FSTL4: variants seen among roughly 807,000 people sequenced by gnomAD.
The protein encoded by FSTL4 is follistatin like 4.
FSTL4 carries 28 observed loss-of-function variants against 78.2 expected under a neutral mutation model. That is an observed-to-expected ratio of 0.36 (90% CI 0.27 to 0.49). The LOEUF is 0.49. Among genes scored for constraint, FSTL4 ranks in the 20% least tolerant of loss-of-function variants. FSTL4 has a pLI of 0.98. For missense variants in FSTL4, 922 were observed against 1,084.9 expected (o/e 0.85, Z 2.11); for synonymous variants, 422 against 440.5 (o/e 0.96, Z 0.53).
At chr5:133,763,862 G>A in the FSTL4 span, among the ~76,000 whole-genome samples, 8 of 152,206 alleles carry the variant, frequency 5.3e-5, no homozygotes, top group African/African-American at 1.9e-4. Context: ...GCCTTGTTCA[G>A]GCAGCCCCTG....
chr5:133,708,063 T>C, the FSTL4 span, among the ~76,000 whole-genome samples: 1 of 132,728 alleles, frequency 7.5e-6, no homozygotes, highest in South Asian at 2.4e-4. Context: ...TAACTAGCTG[T>C]GGGGTAGAAA....
At chr5:133,483,501 C>G (rs1398291436) in intron 3 of FSTL4, among the ~76,000 whole-genome samples, 1 of 152,142 alleles carries the variant, frequency 6.6e-6, no homozygotes, top group Non-Finnish European at 1.5e-5. Flanking sequence ...AAAGCCTGAC[C>G]ATTTAAGCGC....
rs188368180 is a variant in FSTL4 at position 133,299,884 on chromosome 5, G to T, written c.727+12770C>A. Among the ~76,000 whole-genome samples, 204 of 152,308 alleles carry T rather than the reference G, an allele frequency of 1.3e-3. 2 individuals are homozygous for T. The highest frequency in any genetic ancestry group is 4.8e-3 in the African/African-American group (200 of 41,570). ...ACAATTAGTCGGTACACTGTCTACA[G>T]GGCAGACATCTGCATTTAGCCTGAG... On this transcript the variant is annotated intron_variant, in intron 6 of 15. Transcript: ENST00000265342.
At chr5:133,687,824 T>A in the FSTL4 span, among the ~76,000 whole-genome samples, 1 of 152,220 alleles carries the variant, frequency 6.6e-6, no homozygotes, top group Non-Finnish European at 1.5e-5. Context: ...GCACCATCAG[T>A]GCAGGCTGGC....
intron 3 of FSTL4, among the ~76,000 whole-genome samples, chr5:133,491,244 C>T (rs917782996): frequency 6.6e-6 from 1 of 152,104 alleles, no homozygotes; most frequent in Non-Finnish European, 1.5e-5. Flanking sequence ...CTAGGCTTTG[C>T]ATTATGTCTG....
chr5:133,322,557 C>T (rs180920711), intron 4 of FSTL4, among the ~76,000 whole-genome samples: 79 of 152,284 alleles, frequency 5.2e-4, no homozygotes, highest in East Asian at 3.5e-3. Context: ...AGTGGGTTGC[C>T]GCCGTGGGCA....
intron 6 of FSTL4, among the ~76,000 whole-genome samples, chr5:133,259,882 G>T (rs906526431): frequency 1.3e-5 from 2 of 152,138 alleles, no homozygotes; most frequent in African/African-American, 4.8e-5. Flanking sequence ...GTGATTTCCT[G>T]TGGTGAAGCA....
chr5:133,432,358 A>G (rs1474347045), intron 3 of FSTL4, among the ~76,000 whole-genome samples: 1 of 152,216 alleles, frequency 6.6e-6, no homozygotes, highest in Non-Finnish European at 1.5e-5. Context: ...CTCTCCCACA[A>G]TATCTACCCA....
At chr5:133,624,570 T>G in the FSTL4 span, among the ~76,000 whole-genome samples, 2 of 151,826 alleles carry the variant, frequency 1.3e-5, no homozygotes, top group Non-Finnish European at 2.9e-5. Flanking sequence ...CATTTTAAAA[T>G]GGTTAATTGT....
intron 4 of FSTL4, among the ~76,000 whole-genome samples, chr5:133,396,117 C>T (rs1209192227): frequency 2.0e-5 from 3 of 152,194 alleles, no homozygotes; most frequent in African/African-American, 4.8e-5. Flanking sequence ...CCCACCACCC[C>T]TGACCTCTTA....
At chr5:133,269,470 GT>G (rs1034257053) in intron 6 of FSTL4, among the ~76,000 whole-genome samples, 1 of 152,164 alleles carries the variant, frequency 6.6e-6, no homozygotes, top group African/African-American at 2.4e-5. Context: ...CAATTAGCAT[GT>G]ATTACTTTGA....
chr5:133,514,671 A>G (rs888519526), intron 3 of FSTL4, among the ~76,000 whole-genome samples: 6 of 152,268 alleles, frequency 3.9e-5, no homozygotes, highest in African/African-American at 1.4e-4. Flanking sequence ...AAAAATGGTA[A>G]GAAATCGATA....
rs985644156 is a variant in FSTL4, at chr5:133,560,438, C to T, written c.160+6748G>A. On this transcript the variant is annotated intron_variant, in intron 3 of 15. Transcript: ENST00000265342. ...AGGTTGGAGTGCAGTGGTGTGATCT[C>T]GGCTCACTGCAACCTCTGCCTCCTG... Among the ~76,000 whole-genome samples the T allele has an allele frequency of 6.6e-5, 10 of 151,712 alleles. No homozygotes were observed. The East Asian group carries it at 7.8e-4, about 12-fold the overall frequency.
At chr5:133,331,786 C>A (rs1023545022) in intron 4 of FSTL4, among the ~76,000 whole-genome samples, 3 of 152,174 alleles carry the variant, frequency 2.0e-5, no homozygotes, top group Non-Finnish European at 4.4e-5. Context: ...CGAACACCAG[C>A]CATTTCGGGA....
chr5:133,398,894 C>T (rs1309523536), intron 4 of FSTL4, among the ~76,000 whole-genome samples: 2 of 152,196 alleles, frequency 1.3e-5, no homozygotes, highest in Non-Finnish European at 2.9e-5. Context: ...CGGCAACTCA[C>T]AATGTGTGAA....
chr5:133,658,651 T>G, the FSTL4 span, among the ~76,000 whole-genome samples: 2 of 152,162 alleles, frequency 1.3e-5, no homozygotes, highest in Non-Finnish European at 2.9e-5. Context: ...TCTTCTTATT[T>G]ACGTTTTTCT....
At chr5:133,721,776 T>C in the FSTL4 span, among the ~76,000 whole-genome samples, 1 of 152,228 alleles carries the variant, frequency 6.6e-6, no homozygotes, top group South Asian at 2.1e-4. Flanking sequence ...GGGCTATATC[T>C]ATCTGGGAAC....
chr5:133,774,513 C>A, the FSTL4 span, among the ~76,000 whole-genome samples: 2 of 152,132 alleles, frequency 1.3e-5, no homozygotes, highest in African/African-American at 4.8e-5. Flanking sequence ...AAACATTGTG[C>A]TAAGGTCATG....
At chr5:133,835,894 T>C in the FSTL4 span, among the ~76,000 whole-genome samples, 3 of 152,220 alleles carry the variant, frequency 2.0e-5, no homozygotes, top group African/African-American at 7.2e-5. Context: ...TGTTATTAGG[T>C]GCCTATAAAT....
Sources: gnomAD v4.1 joint callset for allele counts (sites outside exome capture counted in the v4.1 genomes callset) on GRCh38, gnomAD v4.1.1 for gene constraint, MANE v1.5 for transcripts, NCBI Gene and HGNC (gene_info 2026-07-23, HGNC 2026-07-21) for gene names.